The following OR2L13 variants were observed in gnomAD, a reference collection of about 807,000 sequenced individuals.
The protein encoded by OR2L13 is olfactory receptor family 2 subfamily L member 13.
Under a neutral mutation model 15.3 loss-of-function variants are expected in OR2L13, and 14 were observed. That is an observed-to-expected ratio of 0.91 (90% confidence interval 0.60 to 1.43). The LOEUF is 1.43. Ranked by LOEUF, OR2L13 falls within the 40% of genes most tolerant of loss-of-function variation. The probability of loss-of-function intolerance (pLI) is 0.00; values close to 1 mark genes in which losing one functional copy is unlikely to be tolerated. For missense variants in OR2L13, 367 were observed against 387.9 expected, an observed-to-expected ratio of 0.95 and a Z score of 0.45; for synonymous variants, 152 against 142.9, an observed-to-expected ratio of 1.06 and a Z score of -0.45.
the OR2L13 span, chr1:248,021,865 A>T: frequency 8.9e-7 from 1 of 1,129,574 alleles, no homozygotes; most frequent in Non-Finnish European, 1.3e-6. Flanking sequence ...AGGCCTTGGA[A>T]TGCAACCCCT....
the OR2L13 span, among the ~76,000 whole-genome samples, chr1:248,076,775 A>C: frequency 6.6e-6 from 1 of 152,206 alleles, no homozygotes; most frequent in East Asian, 1.9e-4. Flanking sequence ...ATATACATTC[A>C]TGTTATCTGC....
At chr1:248,041,266 C>A in the OR2L13 span, 1 of 152,062 alleles carries the variant, frequency 6.6e-6, no homozygotes, top group Non-Finnish European at 1.5e-5. Flanking sequence ...GGAAAGGATT[C>A]CCTATTTAAT....
At chr1:248,080,133 A>T in the OR2L13 span, among the ~76,000 whole-genome samples, 1 of 151,358 alleles carries the variant, frequency 6.6e-6, no homozygotes, top group Non-Finnish European at 1.5e-5. Flanking sequence ...ACAGATACAT[A>T]TTTTTTTTTA....
the OR2L13 span, among the ~76,000 whole-genome samples, chr1:248,067,718 G>C: frequency 6.6e-6 from 1 of 152,202 alleles, no homozygotes; most frequent in Admixed American, 6.5e-5. Flanking sequence ...AAGCACAAGG[G>C]GTCAGGGAGT....
At chr1:248,016,313 T>G in the OR2L13 span, among the ~76,000 whole-genome samples, 1 of 152,218 alleles carries the variant, frequency 6.6e-6, no homozygotes, top group Non-Finnish European at 1.5e-5. Context: ...CATGGGTATT[T>G]TTTTTGTAAG....
At chr1:247,964,733 C>T in the OR2L13 span, among the ~76,000 whole-genome samples, 7 of 151,462 alleles carry the variant, frequency 4.6e-5, no homozygotes, top group South Asian at 2.1e-4. Context: ...ATCTATGATA[C>T]GTGTTCTTAA....
chr1:248,055,574 C>T, the OR2L13 span, among the ~76,000 whole-genome samples: 858 of 152,136 alleles, frequency 5.6e-3, 5 homozygotes, highest in African/African-American at 0.02. Flanking sequence ...TGGCCAACTT[C>T]GTGAAACCCT....
chr1:248,024,176 A>G, the OR2L13 span: 26 of 152,164 alleles, frequency 1.7e-4, no homozygotes, highest in Non-Finnish European at 3.8e-4. Context: ...TAAGCCCCAT[A>G]TGCTTTAGGT....
the OR2L13 span, chr1:248,061,344 C>T: frequency 1.2e-6 from 2 of 1,613,926 alleles, no homozygotes; most frequent in Non-Finnish European, 1.7e-6. Context: ...GCCGGGTTCT[C>T]CTTGCTGTCT....
the OR2L13 span, among the ~76,000 whole-genome samples, chr1:248,011,048 G>A: frequency 1.3e-5 from 2 of 151,940 alleles, no homozygotes; most frequent in South Asian, 2.1e-4. Context: ...TCATAGTGTC[G>A]ATGGTCTTTA....
At chr1:248,068,117 CCTGT>C in the OR2L13 span, among the ~76,000 whole-genome samples, 1 of 152,240 alleles carries the variant, frequency 6.6e-6, no homozygotes, top group South Asian at 2.1e-4. Context: ...CTTAAATGTC[CCTGT>C]CTGACAGCTT....
the OR2L13 span, among the ~76,000 whole-genome samples, chr1:248,070,119 G>C: frequency 6.6e-6 from 1 of 152,140 alleles, no homozygotes; most frequent in African/African-American, 2.4e-5. Context: ...TCTGGACCAA[G>C]CAGACCTAAT....
rs1420981837 is a variant in OR2L13 at position 248,099,980 on chromosome 1, C to T, written c.605C>T (p.Thr202Ile). 6.2e-7 allele frequency: 1 copy of T among 1,614,118 alleles called. No individual in the cohort carries two copies. Among genetic ancestry groups the T allele is most frequent in the South Asian group, 1.1e-5 (1 of 91,080 alleles). ...TATGAATATATGGTTTTTGTAAGTA[C>T]AAGCCTCTTTCTCCTTTTCCCTTTC... Residue 202 changes from threonine to isoleucine, a missense_variant, in exon 3 of 3, where the codon ACA becomes ATA. By Grantham distance (89) the Thr-to-Ile change is moderately conservative. Transcript: ENST00000641714.
the OR2L13 span, chr1:247,990,690 A>C: frequency 1.3e-6 from 2 of 1,532,450 alleles, no homozygotes; most frequent in South Asian, 1.1e-5. Flanking sequence ...GAGTGTGTGC[A>C]CTGATGATAA....
At chr1:248,096,812 A>G (rs1033667822), upstream of OR2L13, among the ~76,000 whole-genome samples, 1 of 152,234 alleles carries the variant, frequency 6.6e-6, no homozygotes, top group African/African-American at 2.4e-5. Flanking sequence ...AATTTCAGCA[A>G]CGTATCTTTT....
chr1:247,958,590 G>T, the OR2L13 span, among the ~76,000 whole-genome samples: 1 of 152,084 alleles, frequency 6.6e-6, no homozygotes, highest in African/African-American at 2.4e-5. Context: ...TCTCTTTGTA[G>T]GTCTCTACGG....
upstream of OR2L13, among the ~76,000 whole-genome samples, chr1:248,090,925 T>C (rs1664582486): frequency 6.6e-6 from 1 of 152,326 alleles, no homozygotes; most frequent in Non-Finnish European, 1.5e-5. Flanking sequence ...CGTTCCCTTT[T>C]CTCTGCATCC....
the OR2L13 span, chr1:248,042,254 A>C: frequency 6.6e-6 from 1 of 151,446 alleles, no homozygotes; most frequent in South Asian, 2.1e-4. Context: ...CTATCACAAG[A>C]ACAAAAAACC....
At chr1:248,018,111 C>G in the OR2L13 span, among the ~76,000 whole-genome samples, 55 of 150,602 alleles carry the variant, frequency 3.7e-4, no homozygotes, top group African/African-American at 1.3e-3. Flanking sequence ...GCCGAGATCA[C>G]ACCACTGCAC....
Sources: allele counts gnomAD v4.1 joint callset (sites outside exome capture counted in the v4.1 genomes callset), GRCh38; gene constraint gnomAD v4.1.1; transcripts MANE v1.5; gene names NCBI Gene and HGNC (gene_info 2026-07-23, HGNC 2026-07-21).